The following METTL16 variants were observed in gnomAD, a reference collection of about 807,000 sequenced individuals.
The protein encoded by METTL16 is methyltransferase 16, RNA N6-adenosine.
In METTL16, 19 loss-of-function variants were observed where a neutral mutation model predicts 57.9. The observed-to-expected ratio is 0.33, with a 90% CI of 0.23 to 0.48. The LOEUF is 0.48. Ranked by LOEUF, METTL16 falls within the 20% of genes least tolerant of loss-of-function variation. The pLI, the probability that METTL16 is intolerant of heterozygous loss-of-function variation, is 0.99. For missense variants in METTL16, 434 were observed against 691.5 expected, an observed-to-expected ratio of 0.63 and a Z score of 4.18; for synonymous variants, 246 against 255.6, an observed-to-expected ratio of 0.96 and a Z score of 0.36.
intron 2 of METTL16, among the ~76,000 whole-genome samples, chr17:2,499,519 T>C (rs905768114): frequency 6.6e-6 from 1 of 151,988 alleles, no homozygotes; most frequent in Non-Finnish European, 1.5e-5. Context: ...TATATCACTA[T>C]GAAACAATGA....
chr17:2,437,522 ATT>A (rs1471586791), intron 8 of METTL16, among the ~76,000 whole-genome samples: 2 of 136,318 alleles, frequency 1.5e-5, no homozygotes, highest in African/African-American at 3.6e-5. Flanking sequence ...TGTTACCTGA[ATT>A]TTGTTTTTTA....
intron 2 of METTL16, among the ~76,000 whole-genome samples, chr17:2,488,763 C>T (rs1038960157): frequency 1.3e-5 from 2 of 152,116 alleles, no homozygotes; most frequent in Non-Finnish European, 2.9e-5. Context: ...CAACAACAAG[C>T]ACAGGGTTAA....
At chr17:2,507,326 TG>T (rs569898536) in intron 1 of METTL16, among the ~76,000 whole-genome samples, 1 of 103,678 alleles carries the variant, frequency 9.6e-6, no homozygotes, top group Admixed American at 1.1e-4. Flanking sequence ...AGGAGGGAGG[TG>T]GGGGGGTCAG....
intron 6 of METTL16, among the ~76,000 whole-genome samples, chr17:2,445,221 T>C (rs189665143): frequency 1.6e-3 from 237 of 152,260 alleles, no homozygotes; most frequent in Non-Finnish European, 3.0e-3. Context: ...CTTACCACTG[T>C]GCTAAAACTG....
At chr17:2,445,078 C>T (rs907046638) in intron 6 of METTL16, among the ~76,000 whole-genome samples, 10 of 152,126 alleles carry the variant, frequency 6.6e-5, no homozygotes, top group Non-Finnish European at 1.3e-4. Flanking sequence ...TCTCCATCTC[C>T]TAACCTCGTG....
chr17:2,501,553 A>G (rs1245574635), intron 2 of METTL16, among the ~76,000 whole-genome samples: 2 of 152,174 alleles, frequency 1.3e-5, no homozygotes, highest in Non-Finnish European at 2.9e-5. Context: ...ATCAAAATAA[A>G]CACACACTTA....
intron 1 of METTL16, among the ~76,000 whole-genome samples, 155 bp from the exon 2 acceptor site, chr17:2,502,486 C>A (rs1708898720): frequency 6.6e-6 from 1 of 152,032 alleles, no homozygotes; most frequent in East Asian, 1.9e-4. Context: ...CCCATCCTGG[C>A]CAACATGATG....
intron 3 of METTL16, among the ~76,000 whole-genome samples, chr17:2,477,257 C>T (rs2067275245): frequency 6.6e-6 from 1 of 152,222 alleles, no homozygotes; most frequent in African/African-American, 2.4e-5. Flanking sequence ...TTCCCTTAAC[C>T]TCTTGCTCCC....
At chr17:2,456,182 G>C (rs892182176) in intron 6 of METTL16, among the ~76,000 whole-genome samples, 6 of 151,996 alleles carry the variant, frequency 3.9e-5, no homozygotes, top group African/African-American at 1.5e-4. Context: ...GAACAAGCTG[G>C]TACACCATCT....
At chr17:2,493,712 C>T (rs1034333414) in intron 2 of METTL16, among the ~76,000 whole-genome samples, 1 of 90,630 alleles carries the variant, frequency 1.1e-5, no homozygotes, top group African/African-American at 3.5e-5. Flanking sequence ...CTGTGAGACT[C>T]TGTCTCAAAA....
chr17:2,467,728 T>C lies in METTL16; in HGVS notation c.585+33A>G. The stretch of plus-strand genomic sequence containing the variant: ...GGCGTGAGCCACCGCGCCCAGCCTA[T>C]ATTCAATTATTTTAAAGCAGAAGAC... On this transcript the variant is annotated intron_variant, in intron 5 of 9. Transcript: ENST00000263092. 4 of 1,543,058 alleles carry C rather than the reference T, an allele frequency of 2.6e-6. No individual in the cohort carries two copies. In the South Asian group the frequency reaches 4.5e-5, roughly 17 times the overall value.
At chr17:2,429,958 C>G (rs1441298673) in intron 8 of METTL16, among the ~76,000 whole-genome samples, 1 of 147,584 alleles carries the variant, frequency 6.8e-6, no homozygotes, top group African/African-American at 2.5e-5. Flanking sequence ...TTACAGGCGC[C>G]CGCCACCATG....
intron 4 of METTL16, among the ~76,000 whole-genome samples, chr17:2,469,471 A>G (rs1210633481): frequency 2.6e-5 from 4 of 152,206 alleles, no homozygotes; most frequent in Non-Finnish European, 4.4e-5. Context: ...CAAAAATAAA[A>G]AGTAACTAAT....
chr17:2,428,880 C>T (rs1197368009), intron 8 of METTL16, among the ~76,000 whole-genome samples: 4 of 152,026 alleles, frequency 2.6e-5, no homozygotes, highest in South Asian at 2.1e-4. Flanking sequence ...CTTTTTGAGA[C>T]GGAGTTTTGC....
At chr17:2,483,569 A>G (rs1029901470) in intron 2 of METTL16, among the ~76,000 whole-genome samples, 1 of 152,204 alleles carries the variant, frequency 6.6e-6, no homozygotes, top group Non-Finnish European at 1.5e-5. Flanking sequence ...GGGGCTAATA[A>G]AAGAGGGTTA....
At chr17:2,487,559 C>T (rs1273838690) in intron 2 of METTL16, among the ~76,000 whole-genome samples, 1 of 152,242 alleles carries the variant, frequency 6.6e-6, no homozygotes, top group East Asian at 1.9e-4. Flanking sequence ...AAGAGGGTAT[C>T]CATGAAGGAT....
intron 3 of METTL16, among the ~76,000 whole-genome samples, chr17:2,475,568 C>T (rs932513445): frequency 5.3e-5 from 8 of 152,120 alleles, no homozygotes; most frequent in South Asian, 2.1e-4. Flanking sequence ...GATTTGTCAG[C>T]GCCAAAAAAA....
At chr17:2,440,771 G>T (rs1429818460) in intron 7 of METTL16, among the ~76,000 whole-genome samples, 1 of 151,766 alleles carries the variant, frequency 6.6e-6, no homozygotes, top group Non-Finnish European at 1.5e-5. Context: ...AGGAATTTGA[G>T]ACCAGCCTGG....
At position 2,487,307 on chromosome 17, in the gene METTL16, G is replaced by GGT. The variant is rs2067350694; in HGVS notation, c.129-9424_129-9423dup. ...AAGCGGAGATGGAGCCCAGAGAAGA[G>GGT]GTGTGTAGAAATAAACATGTAAGTG... On this transcript the variant is annotated intron_variant, in intron 2 of 9. Transcript: ENST00000263092. Among the ~76,000 whole-genome samples, 6 of 152,292 alleles carry GGT rather than the reference G, an allele frequency of 3.9e-5. No individual in the cohort carries two copies. In the South Asian group the frequency reaches 1.2e-3, roughly 32 times the overall value.
Sources: gnomAD v4.1 joint callset for allele counts (sites outside exome capture counted in the v4.1 genomes callset) on GRCh38, gnomAD v4.1.1 for gene constraint, MANE v1.5 for transcripts, NCBI Gene and HGNC (gene_info 2026-07-23, HGNC 2026-07-21) for gene names.